The following ATP5MK variants were observed in gnomAD, a reference collection of about 807,000 sequenced individuals.
ATP5MK encodes ATP synthase membrane subunit k.
In ATP5MK, 5 loss-of-function variants were observed where a neutral mutation model predicts 6.6. That is an observed-to-expected ratio of 0.76 (90% CI 0.40 to 1.60). The LOEUF (loss-of-function observed/expected upper bound fraction) is 1.60, where lower values mean the gene tolerates loss of function less well. Ranked by LOEUF, ATP5MK falls within the 40% of genes most tolerant of loss-of-function variation. The pLI, the probability that ATP5MK is intolerant of heterozygous loss-of-function variation, is 0.02. For synonymous variants in ATP5MK, 30 were observed against 24.5 expected, an observed-to-expected ratio of 1.22 and a Z score of -0.66; for missense variants, 57 against 66.6, an observed-to-expected ratio of 0.86 and a Z score of 0.50.
At chr10:103,394,358 T>C (rs1485833698) in intron 2 of ATP5MK, 1 of 531,178 alleles carries the variant, frequency 1.9e-6, no homozygotes, top group Non-Finnish European at 3.9e-6. Flanking sequence ...CGAGGTCCGG[T>C]CGAGATTGGT....
chr10:103,392,366 C>T lies in ATP5MK; in HGVS notation c.87+5G>A, dbSNP rs1388538792. 1.9e-6 allele frequency: 3 copies of T among 1,598,886 alleles called. No individual in the cohort carries two copies. The highest frequency in any genetic ancestry group is 2.6e-6 in the Non-Finnish European group (3 of 1,173,712). On this transcript the variant is annotated splice_donor_5th_base_variant and intron_variant, in intron 3 of 4. Coordinates refer to ENST00000369815, the MANE Select transcript of ATP5MK (RefSeq NM_001206427.2). Reference sequence around the variant, plus strand: ...ATATAACTGCTTAAAGTTATCAATACTTACGTTCATTCTACCTGTGAGAGT... The same window carrying T: ...ATATAACTGCTTAAAGTTATCAATATTTACGTTCATTCTACCTGTGAGAGT...
At chr10:103,394,162 G>A in intron 2 of ATP5MK, 1 of 359,372 alleles carries the variant, frequency 2.8e-6, no homozygotes, top group Admixed American at 3.0e-5. Context: ...AAAAACTCTG[G>A]AAGAATATAT....
intron 2 of ATP5MK, 135 bp from the exon 3 acceptor site, chr10:103,392,601 C>A: frequency 1.6e-6 from 1 of 630,416 alleles, no homozygotes; most frequent in Non-Finnish European, 2.7e-6. Flanking sequence ...TATATCTCAC[C>A]CAACACAGTA....
intron 4 of ATP5MK, among the ~76,000 whole-genome samples, chr10:103,389,733 T>C (rs2093408206): frequency 6.6e-6 from 1 of 151,926 alleles, no homozygotes; most frequent in East Asian, 2.0e-4. Context: ...TAAAGTAACA[T>C]CTTTTTTTTT....
chr10:103,394,219 T>A (rs1334005894), intron 2 of ATP5MK: 2 of 508,398 alleles, frequency 3.9e-6, no homozygotes, highest in Admixed American at 3.9e-5. Context: ...TACAAAGGCA[T>A]GAATTTCTTT....
chr10:103,394,086 C>A (rs545233522), intron 2 of ATP5MK: 20 of 283,722 alleles, frequency 7.0e-5, no homozygotes, highest in Non-Finnish European at 1.5e-4. Flanking sequence ...CTAGATAATT[C>A]TAAAGCATGC....
In ATP5MK at chr10:103,392,361, C is replaced by T. The variant is rs776762625; in HGVS notation, c.87+10G>A. The T allele has an allele frequency of 6.3e-7, 1 of 1,594,220 alleles. No homozygotes were observed. Among genetic ancestry groups the T allele is most frequent in the East Asian group, 2.2e-5 (1 of 44,692 alleles). On this transcript the variant is annotated intron_variant, in intron 3 of 4. Coordinates refer to ENST00000369815, the MANE Select transcript of ATP5MK (RefSeq NM_001206427.2). ...TTAAAATATAACTGCTTAAAGTTAT[C>T]AATACTTACGTTCATTCTACCTGTG...
chr10:103,390,506 G>T lies in ATP5MK; in HGVS notation c.*4-1340C>A, dbSNP rs568894726. ...TAGAGTCTCAAAAAGAAAAATATCC[G>T]GGCTGGGTGTGGTGGCTCACACCTG... On this transcript the variant is annotated intron_variant, in intron 4 of 4. Coordinates refer to ENST00000369815, the MANE Select transcript of ATP5MK (RefSeq NM_001206427.2). Among the ~76,000 whole-genome samples, 7 of 149,390 alleles carry T rather than the reference G, an allele frequency of 4.7e-5. 1 individual carries two copies. Among genetic ancestry groups the T allele is most frequent in the Non-Finnish European group, 1.0e-4 (7 of 67,224 alleles).
intron 2 of ATP5MK, among the ~76,000 whole-genome samples, chr10:103,393,695 T>C (rs1451758530): frequency 6.6e-6 from 1 of 152,202 alleles, no homozygotes; most frequent in African/African-American, 2.4e-5. Context: ...ATCTAGCTGG[T>C]GTTTTTCTCC....
intron 2 of ATP5MK, among the ~76,000 whole-genome samples, chr10:103,395,421 C>A (rs563013161): frequency 5.0e-4 from 76 of 152,322 alleles, no homozygotes; most frequent in African/African-American, 1.8e-3. Flanking sequence ...CCTCAGCCTC[C>A]CGAGTAGCTG....
chr10:103,394,157 C>A (rs1564749882), intron 2 of ATP5MK: 2 of 350,146 alleles, frequency 5.7e-6, no homozygotes, highest in African/African-American at 2.1e-5. Flanking sequence ...TTAAAAAAAA[C>A]TCTGGAAGAA....
intron 4 of ATP5MK, among the ~76,000 whole-genome samples, chr10:103,391,642 G>C (rs1204227607): frequency 2.6e-5 from 4 of 151,648 alleles, no homozygotes; most frequent in Non-Finnish European, 5.9e-5. Flanking sequence ...CGAGTAGCTG[G>C]GATTATAGGC....
rs909289490 is a variant in ATP5MK, at chr10:103,396,453, T to C, written c.-341A>G. On this transcript the variant is annotated 5_prime_UTR_variant, in exon 1 of 5. Coordinates refer to ENST00000369815, the MANE Select transcript of ATP5MK (RefSeq NM_001206427.2). ...CGCAGCTGGTGTCCTTCAACGAATG[T>C]AACCACCTCTCGGCCCGGCCGGAAG... The C allele has an allele frequency of 2.6e-5, 4 of 152,396 alleles. No individual in the cohort carries two copies. The highest frequency in any genetic ancestry group is 4.8e-5 in the African/African-American group (2 of 41,450). The allele number at this position is 152,396 out of a possible 1,614,324, so 9.4% of individuals were successfully genotyped here.
intron 4 of ATP5MK, among the ~76,000 whole-genome samples, chr10:103,390,603 A>G (rs1337938092): frequency 1.3e-5 from 2 of 152,190 alleles, no homozygotes; most frequent in East Asian, 1.9e-4. Flanking sequence ...AGCCTGACCA[A>G]CACGGTGAAA....
Position 103,392,337 on chromosome 10 carries a change from T to A in ATP5MK, c.87+34A>T. The A allele has an allele frequency of 2.5e-6, 4 of 1,592,974 alleles. No homozygotes were observed. In the African/African-American group the frequency reaches 4.1e-5, roughly 16 times the overall value. ...ACTTGTTGTTCCATCTATATTATTTTAAAATATAACTGCTTAAAGTTATCA... is the reference window on the plus strand; with the variant it reads ...ACTTGTTGTTCCATCTATATTATTTAAAAATATAACTGCTTAAAGTTATCA... On this transcript the variant is annotated intron_variant, in intron 3 of 4. Coordinates refer to ENST00000369815, the MANE Select transcript of ATP5MK (RefSeq NM_001206427.2).
At chr10:103,394,354 C>T (rs745681690) in intron 2 of ATP5MK, 2 of 532,016 alleles carry the variant, frequency 3.8e-6, no homozygotes, top group South Asian at 1.4e-5. Context: ...CGGTCGAGGT[C>T]CGGTCGAGAT....
chr10:103,395,454 C>T (rs1316217021), intron 2 of ATP5MK, among the ~76,000 whole-genome samples: 2 of 152,278 alleles, frequency 1.3e-5, no homozygotes, highest in Non-Finnish European at 2.9e-5. Flanking sequence ...CGCGCCACCA[C>T]GCCCGGCTAA....
At position 103,392,373 on chromosome 10, in the gene ATP5MK, T is replaced by G. The variant is rs1432114941; in HGVS notation, c.85A>C (p.Asn29His). 1.2e-6 allele frequency: 2 copies of G among 1,601,064 alleles called. No homozygotes were observed. Among genetic ancestry groups the G allele is most frequent in the African/African-American group, 2.7e-5 (2 of 74,126 alleles). The change falls in exon 3 of 5, where the codon AAC becomes CAC. Residue 29 changes from asparagine to histidine, a missense_variant and splice_region_variant. Asn to His is a moderately conservative substitution (Grantham distance 68, BLOSUM62 1). Transcript: ENST00000369815. ...TGCTTAAAGTTATCAATACTTACGT[T>G]CATTCTACCTGTGAGAGTATAAGAG... Reference protein sequence around the residue: ...FNSYTLTGRMNCVLATYGSIA... With the variant: ...FNSYTLTGRMHCVLATYGSIA...
At chr10:103,396,183 C>T (rs1427441322) in intron 1 of ATP5MK, 151 bp from the exon 2 acceptor site, 1 of 152,304 alleles carries the variant, frequency 6.6e-6, no homozygotes, top group African/African-American at 2.4e-5. Context: ...ATCTAAGGGT[C>T]TTCGGAAACT....
Sources: allele counts gnomAD v4.1 joint callset (sites outside exome capture counted in the v4.1 genomes callset), GRCh38; gene constraint gnomAD v4.1.1; transcripts MANE v1.5; gene names NCBI Gene and HGNC (gene_info 2026-07-23, HGNC 2026-07-21).